PIAS1: variants seen among roughly 807,000 people sequenced by gnomAD.
PIAS1 encodes protein inhibitor of activated STAT 1, also known as E3 SUMO-protein ligase PIAS1.
In PIAS1, 6 loss-of-function variants were observed where a neutral mutation model predicts 71.3. That is an observed-to-expected ratio of 0.08 (90% CI 0.05 to 0.17). The LOEUF is 0.17. Ranked by LOEUF, PIAS1 falls within the 10% of genes least tolerant of loss-of-function variation. The pLI is 1.00. For synonymous variants in PIAS1, 303 were observed against 292.9 expected (o/e 1.03, Z -0.35); for missense variants, 555 against 793.6 (o/e 0.70, Z 3.61).
intron 2 of PIAS1, among the ~76,000 whole-genome samples, chr15:68,109,590 G>A (rs868244168): frequency 6.6e-6 from 1 of 152,110 alleles, no homozygotes; most frequent in Non-Finnish European, 1.5e-5. Context: ...AGAAGTTCCT[G>A]AAAACCCTCC....
chr15:68,054,648 T>C lies in PIAS1; in HGVS notation c.24+298T>C. 1 of 307,570 alleles carries C rather than the reference T, an allele frequency of 3.3e-6. No homozygotes were observed. The highest frequency in any genetic ancestry group is 6.0e-6 in the Non-Finnish European group (1 of 167,728). 19.1% of individuals were successfully genotyped at this position (307,570 alleles called of 1,614,324 possible). A position where few individuals can be genotyped will look rare whatever the true frequency, so the allele number is the denominator to read the frequency against. ...TCCGGAGGTAGGGGCTGCAGCTGTC[T>C]CATGGGCTCGGCTTTTTCACCTTCC... On this transcript the variant is annotated intron_variant, in intron 1 of 13. Coordinates refer to ENST00000249636, the MANE Select transcript of PIAS1 (RefSeq NM_016166.3). The surrounding 1 kb of genome is among the most constrained non-coding windows in gnomAD (Gnocchi z 4.6).
At position 68,167,518 on chromosome 15, in the gene PIAS1, A is replaced by G. The variant is rs1435591223; in HGVS notation, c.1008+2714A>G. Among the ~76,000 whole-genome samples the G allele has an allele frequency of 6.6e-5, 10 of 152,200 alleles. No individual in the cohort carries two copies. Among genetic ancestry groups the G allele is most frequent in the Non-Finnish European group, 1.5e-5 (1 of 68,030 alleles). On this transcript the variant is annotated intron_variant, in intron 8 of 13. Coordinates refer to ENST00000249636, the MANE Select transcript of PIAS1 (RefSeq NM_016166.3). This position sits in a 1 kb window ranked among gnomAD's most constrained non-coding sequence, Gnocchi z 4.4. ...CTAAAGGCAACAAAAATAATTAAAA[A>G]TGTTTTTACTCTTTGGGAATTTTAT...
intron 1 of PIAS1, among the ~76,000 whole-genome samples, chr15:68,065,504 T>C (rs182988911): frequency 5.5e-4 from 84 of 151,708 alleles, no homozygotes; most frequent in African/African-American, 1.9e-3. Flanking sequence ...AGTGGTAGGA[T>C]TTTTTGATCC....
intron 6 of PIAS1, among the ~76,000 whole-genome samples, chr15:68,147,054 T>C (rs1408035222): frequency 6.6e-6 from 1 of 152,206 alleles, no homozygotes; most frequent in Non-Finnish European, 1.5e-5. Flanking sequence ...CATTGGTATG[T>C]CAAAGAACAT....
At chr15:68,103,316 G>A (rs997991980) in intron 2 of PIAS1, among the ~76,000 whole-genome samples, 6 of 122,524 alleles carry the variant, frequency 4.9e-5, no homozygotes, top group Non-Finnish European at 8.3e-5. Context: ...AATCTACCAT[G>A]TTTTGTATTA....
intron 2 of PIAS1, among the ~76,000 whole-genome samples, chr15:68,103,596 A>G (rs1202577058): frequency 1.3e-5 from 2 of 152,104 alleles, no homozygotes; most frequent in African/African-American, 2.4e-5. Context: ...CTCTCTACCC[A>G]TTATCAATCA....
At chr15:68,062,840 C>CT (rs138724427) in intron 1 of PIAS1, among the ~76,000 whole-genome samples, 3,529 of 151,946 alleles carry the variant, frequency 0.023, 128 homozygotes, top group African/African-American at 0.081. Flanking sequence ...CTACAGTTTG[C>CT]TTTTTTTTAC....
rs1048401291 is a variant in PIAS1 at position 68,185,667 on chromosome 15, A to T, written c.1663-1875A>T. On this transcript the variant is annotated intron_variant, in intron 13 of 13. Transcript: ENST00000249636. The surrounding 1 kb of genome is among the most constrained non-coding windows in gnomAD (Gnocchi z 4.4). ...CCTCAACAAGCTCCTTAAAAAATTT[A>T]AAAACATGGGCCCTGGCTGGGCGCT... Among the ~76,000 whole-genome samples, 1 of 152,208 alleles carries T rather than the reference A, an allele frequency of 6.6e-6. No individual in the cohort carries two copies. The highest frequency in any genetic ancestry group is 1.5e-5 in the Non-Finnish European group (1 of 68,032).
At chr15:68,157,528 G>T (rs958390045) in intron 7 of PIAS1, among the ~76,000 whole-genome samples, 3 of 152,250 alleles carry the variant, frequency 2.0e-5, no homozygotes, top group Non-Finnish European at 2.9e-5. Context: ...CACAAATGAT[G>T]ATCTGATTGC....
At chr15:68,068,989 G>A (rs1275758456) in intron 1 of PIAS1, among the ~76,000 whole-genome samples, 1 of 150,172 alleles carries the variant, frequency 6.7e-6, no homozygotes, top group African/African-American at 2.5e-5. Flanking sequence ...TCCACCTCCT[G>A]GGTTCAAGCC....
chr15:68,105,210 AAT>A (rs1020443382), intron 2 of PIAS1, among the ~76,000 whole-genome samples: 5 of 152,180 alleles, frequency 3.3e-5, no homozygotes, highest in African/African-American at 1.2e-4. Flanking sequence ...TAGCAGAGAT[AAT>A]ATATTACTAT....
intron 7 of PIAS1, among the ~76,000 whole-genome samples, chr15:68,162,255 TA>T (rs1427851559): frequency 6.6e-6 from 1 of 152,164 alleles, no homozygotes; most frequent in Non-Finnish European, 1.5e-5. Context: ...TTCTAAGCAC[TA>T]AACACTGAGC....
chr15:68,059,198 G>A (rs913214052), intron 1 of PIAS1, among the ~76,000 whole-genome samples: 6 of 151,428 alleles, frequency 4.0e-5, no homozygotes, highest in African/African-American at 1.2e-4. Flanking sequence ...TAGTAGAGAC[G>A]GCGTTTCACC....
intron 2 of PIAS1, among the ~76,000 whole-genome samples, chr15:68,114,012 C>T (rs967786311): frequency 3.5e-5 from 5 of 140,990 alleles, no homozygotes; most frequent in African/African-American, 5.2e-5. Context: ...CTCTAGCAAA[C>T]GACTGCATAT....
At chr15:68,112,180 A>G (rs977583108) in intron 2 of PIAS1, among the ~76,000 whole-genome samples, 8 of 152,102 alleles carry the variant, frequency 5.3e-5, no homozygotes, top group Admixed American at 4.6e-4. Context: ...TGGTATCTGT[A>G]CTGAGACCAG....
At chr15:68,144,152 A>G (rs1400810868) in intron 4 of PIAS1, among the ~76,000 whole-genome samples, 1 of 149,050 alleles carries the variant, frequency 6.7e-6, no homozygotes, top group African/African-American at 2.5e-5. Flanking sequence ...ATGTTGTGTT[A>G]TATTTGGTAA....
At chr15:68,065,992 A>T (rs2092019986) in intron 1 of PIAS1, among the ~76,000 whole-genome samples, 1 of 129,648 alleles carries the variant, frequency 7.7e-6, no homozygotes, top group South Asian at 2.4e-4. Context: ...GACTCATGTG[A>T]TCCTCATGCC....
chr15:68,145,029 G>C (rs920588556), intron 4 of PIAS1, among the ~76,000 whole-genome samples: 7 of 151,968 alleles, frequency 4.6e-5, no homozygotes, highest in Admixed American at 4.6e-4. Flanking sequence ...AGTGCAATGA[G>C]CCTTAGGTGT....
chr15:68,139,380 G>A (rs1427729771), intron 2 of PIAS1, among the ~76,000 whole-genome samples: 3 of 152,152 alleles, frequency 2.0e-5, no homozygotes, highest in African/African-American at 7.2e-5. Context: ...TTGAAAGGAA[G>A]GTTGAACTCT....
Sources: gnomAD v4.1 joint callset for allele counts (sites outside exome capture counted in the v4.1 genomes callset) on GRCh38, gnomAD v4.1.1 for gene constraint, Gnocchi (gnomAD v3.1) non-coding constraint, MANE v1.5 for transcripts, NCBI Gene and HGNC (gene_info 2026-07-23, HGNC 2026-07-21) for gene names.